Variants in SCOC observed in about 807,000 individuals in gnomAD.
SCOC encodes short coiled coil protein.
SCOC carries 7 observed loss-of-function variants against 9.9 expected under a neutral mutation model. The ratio of observed to expected loss-of-function variants is 0.71; its 90% CI spans 0.40 to 1.33. The LOEUF (loss-of-function observed/expected upper bound fraction) is 1.33, where lower values mean the gene tolerates loss of function less well. Among genes scored for constraint, SCOC ranks in the 40% most tolerant of loss-of-function variants. The pLI, the probability that SCOC is intolerant of heterozygous loss-of-function variation, is 0.01. For synonymous variants in SCOC, 19 were observed against 28.2 expected (o/e 0.67, Z 1.03); for missense variants, 66 against 89.7 (o/e 0.74, Z 1.07).
intron 1 of SCOC, among the ~76,000 whole-genome samples, chr4:140,281,668 C>A (rs1022340909): frequency 6.6e-6 from 1 of 152,202 alleles, no homozygotes; most frequent in Non-Finnish European, 1.5e-5. Flanking sequence ...GTGGCCTCCC[C>A]CGTATCTCCA....
At chr4:140,350,561 T>A (rs1240662685) in intron 2 of SCOC, among the ~76,000 whole-genome samples, 1 of 152,162 alleles carries the variant, frequency 6.6e-6, no homozygotes, top group Non-Finnish European at 1.5e-5. Context: ...CAGAACGCAT[T>A]TATTGAGCAC....
At chr4:140,265,584 A>C (rs889900363) in intron 1 of SCOC, among the ~76,000 whole-genome samples, 3 of 152,206 alleles carry the variant, frequency 2.0e-5, no homozygotes, top group African/African-American at 7.2e-5. Flanking sequence ...AAACAGCTGG[A>C]TTGGTTATAG....
At chr4:140,343,462 A>G (rs1288044185) in exon 1 of SCOC, 1 of 540,038 alleles carries the variant, frequency 1.9e-6, no homozygotes, top group African/African-American at 1.9e-5. Flanking sequence ...TAAGAATGCA[A>G]CACTCAGGTG....
rs1435743339 is a variant in SCOC, at chr4:140,317,707, T to A, written c.-18-25914T>A. Among the ~76,000 whole-genome samples, 27 of 146,482 alleles carry A rather than the reference T, an allele frequency of 1.8e-4. No individual in the cohort carries two copies. The East Asian group carries it at 3.5e-3, about 19-fold the overall frequency. On this transcript the variant is annotated intron_variant, in intron 1 of 4. Coordinates refer to the SCOC transcript ENST00000394205. ...TTGTATTATTATTATTATTATTATT[T>A]TTAATTATACTTTAAGTTTTAGGGT... is the stretch of plus-strand genomic sequence containing the variant.
chr4:140,330,199 T>G (rs936575629), intron 1 of SCOC, among the ~76,000 whole-genome samples: 6 of 151,724 alleles, frequency 4.0e-5, no homozygotes, highest in African/African-American at 1.5e-4. Flanking sequence ...AACTCAGGAG[T>G]GGAAAAACAA....
chr4:140,287,188 T>C (rs952769550), intron 1 of SCOC, among the ~76,000 whole-genome samples: 1 of 149,928 alleles, frequency 6.7e-6, no homozygotes. Context: ...ACACACATGC[T>C]ACACACACAC....
intron 1 of SCOC, among the ~76,000 whole-genome samples, chr4:140,337,982 A>G (rs1252035385): frequency 6.6e-6 from 1 of 152,228 alleles, no homozygotes; most frequent in Non-Finnish European, 1.5e-5. Context: ...AAAGCCTGGC[A>G]GAGACACAAC....
Position 140,383,364 on chromosome 4 carries a change from C to G in SCOC, c.*2260C>G, listed in dbSNP as rs543362382. 1 of 152,194 alleles carries G rather than the reference C, an allele frequency of 6.6e-6. No individual in the cohort carries two copies. Among genetic ancestry groups the G allele is most frequent in the Non-Finnish European group, 1.5e-5 (1 of 68,030 alleles). 9.4% of individuals were successfully genotyped at this position (152,194 alleles called of 1,614,324 possible). A position where few individuals can be genotyped will look rare whatever the true frequency, so the allele number is the denominator to read the frequency against. On this transcript the variant is annotated 3_prime_UTR_variant, in exon 4 of 4. Transcript: ENST00000608372. Reference sequence around the variant, plus strand: ...TTCTAATAGTCTGACAATCTCTAAACTGATAGGCAAATTATTTGCTCTCAC... The same window carrying G: ...TTCTAATAGTCTGACAATCTCTAAAGTGATAGGCAAATTATTTGCTCTCAC...
chr4:140,379,399 T>C (rs1177215827), intron 2 of SCOC, among the ~76,000 whole-genome samples, 170 bp from the exon 3 acceptor site: 1 of 152,218 alleles, frequency 6.6e-6, no homozygotes. Flanking sequence ...TTTTATCTTC[T>C]TTACCTTGGT....
chr4:140,370,520 G>C (rs943208553), upstream of SCOC, among the ~76,000 whole-genome samples: 1 of 152,142 alleles, frequency 6.6e-6, no homozygotes, highest in Admixed American at 6.5e-5. Context: ...GGTGTGGTCT[G>C]TTCACTAGAA....
In SCOC at chr4:140,383,298, A is replaced by G. The variant is rs938950927; in HGVS notation, c.*2194A>G. 2.6e-5 allele frequency: 4 copies of G among 152,230 alleles called. No individual in the cohort carries two copies. Among genetic ancestry groups the G allele is most frequent in the African/African-American group, 7.2e-5 (3 of 41,462 alleles). The allele number at this position is 152,230 out of a possible 1,614,324, so 9.4% of individuals were successfully genotyped here. A position where few individuals can be genotyped will look rare whatever the true frequency, so the allele number is the denominator to read the frequency against. On this transcript the variant is annotated 3_prime_UTR_variant, in exon 4 of 4. Coordinates refer to ENST00000608372, the MANE Select transcript of SCOC (RefSeq NM_001153484.2). ...CATCCAGCTAGTGATTCAGCTCACA[A>G]TCTAGGATCTCTATTAAAGGTCCAT...
chr4:140,343,522 G>T (rs1405549188), intron 1 of SCOC: 6 of 737,578 alleles, frequency 8.1e-6, no homozygotes, highest in Non-Finnish European at 1.4e-5. Context: ...GCAAGGATCA[G>T]ATAGCACCTG....
At chr4:140,328,212 T>C (rs17005755) in intron 1 of SCOC, among the ~76,000 whole-genome samples, 5,957 of 152,288 alleles carry the variant, frequency 0.039, 361 homozygotes, top group African/African-American at 0.14. Context: ...ACCCATCTCC[T>C]ATTTTTGCTT....
chr4:140,363,793 G>A (rs1396539453), intron 2 of SCOC, among the ~76,000 whole-genome samples: 2 of 152,172 alleles, frequency 1.3e-5, no homozygotes, highest in Non-Finnish European at 2.9e-5. Context: ...ATTGCCTATA[G>A]CAGTAAAAAG....
chr4:140,280,745 G>A (rs907731930), intron 1 of SCOC, among the ~76,000 whole-genome samples: 6 of 152,074 alleles, frequency 3.9e-5, no homozygotes, highest in Admixed American at 6.6e-5. Flanking sequence ...AAAACACATC[G>A]GGTAGATTTT....
intron 1 of SCOC, among the ~76,000 whole-genome samples, chr4:140,310,703 T>C (rs770475324): frequency 2.0e-5 from 3 of 152,232 alleles, no homozygotes; most frequent in Admixed American, 1.3e-4. Context: ...ATGATTTAGC[T>C]GCCTGGTGAA....
chr4:140,343,540 G>A (rs986411107), intron 1 of SCOC: 12 of 867,402 alleles, frequency 1.4e-5, no homozygotes, highest in Non-Finnish European at 2.3e-5. Flanking sequence ...CTGCTTGGAA[G>A]TTCACTGATT....
At chr4:140,375,831 A>C (rs562432882) in intron 1 of SCOC, among the ~76,000 whole-genome samples, 1 of 152,188 alleles carries the variant, frequency 6.6e-6, no homozygotes, top group Non-Finnish European at 1.5e-5. Flanking sequence ...CTAGCCATAC[A>C]TCAGAGCTGA....
intron 1 of SCOC, among the ~76,000 whole-genome samples, chr4:140,269,240 C>T (rs1369482928): frequency 6.6e-6 from 1 of 152,158 alleles, no homozygotes; most frequent in Non-Finnish European, 1.5e-5. Context: ...ATCTCCTGCT[C>T]TTGAATCTGG....
Sources: allele counts gnomAD v4.1 joint callset (sites outside exome capture counted in the v4.1 genomes callset), GRCh38; gene constraint gnomAD v4.1.1; transcripts MANE v1.5; gene names NCBI Gene and HGNC (gene_info 2026-07-23, HGNC 2026-07-21).